The following CNTNAP3B variants were observed in gnomAD, a reference collection of about 807,000 sequenced individuals.
CNTNAP3B encodes contactin-associated protein-like 3B.
CNTNAP3B carries 25 observed loss-of-function variants against 108.9 expected under a neutral mutation model. The observed-to-expected ratio is 0.23, with a 90% CI of 0.17 to 0.32. CNTNAP3B has a LOEUF of 0.32. Ranked by LOEUF, CNTNAP3B falls within the 10% of genes least tolerant of loss-of-function variation. CNTNAP3B has a pLI of 1.00. For missense variants in CNTNAP3B, 252 were observed against 1,210.4 expected, an observed-to-expected ratio of 0.21 and a Z score of 11.75; for synonymous variants, 103 against 473.4, an observed-to-expected ratio of 0.22 and a Z score of 10.16.
intron 14 of CNTNAP3B, among the ~76,000 whole-genome samples, chr9:41,931,700 C>A (rs1336883723): frequency 2.0e-5 from 3 of 150,420 alleles, no homozygotes; most frequent in African/African-American, 7.4e-5. Flanking sequence ...TGATGGTAGA[C>A]AAGCTAGAAA....
chr9:42,094,526 G>A (rs1827862057), intron 2 of CNTNAP3B, among the ~76,000 whole-genome samples: 1 of 130,722 alleles, frequency 7.6e-6, no homozygotes, highest in Non-Finnish European at 1.6e-5. Context: ...GTTATGACAT[G>A]TGACTGTGGT....
chr9:41,928,520 C>T (rs917732342), intron 15 of CNTNAP3B, among the ~76,000 whole-genome samples: 1 of 152,170 alleles, frequency 6.6e-6, no homozygotes, highest in African/African-American at 2.4e-5. Flanking sequence ...GCTACAGAAA[C>T]TGCTTGGTAT....
At chr9:42,024,732 T>C (rs1358534042) in intron 3 of CNTNAP3B, among the ~76,000 whole-genome samples, 1 of 127,604 alleles carries the variant, frequency 7.8e-6, no homozygotes, top group Non-Finnish European at 1.7e-5. Flanking sequence ...AACAGACATA[T>C]AAAGCTGTCT....
At chr9:41,959,525 G>C (rs1311240906) in intron 12 of CNTNAP3B, among the ~76,000 whole-genome samples, 4 of 152,300 alleles carry the variant, frequency 2.6e-5, no homozygotes, top group African/African-American at 7.2e-5. Flanking sequence ...TCCTGGTTGT[G>C]ACTTTGGTTG....
At chr9:42,064,463 T>C (rs1282821467) in intron 3 of CNTNAP3B, among the ~76,000 whole-genome samples, 1 of 91,786 alleles carries the variant, frequency 1.1e-5, no homozygotes, top group Non-Finnish European at 2.2e-5. Context: ...TCTAGTTTTT[T>C]CCAACATTTA....
rs1490745282 is a variant in CNTNAP3B, at chr9:42,123,430, G to A, written c.85+5580C>T. On this transcript the variant is annotated intron_variant, in intron 1 of 23. Coordinates refer to ENST00000377561, the MANE Select transcript of CNTNAP3B (RefSeq NM_001201380.3). ...TCTGATTGAACAGATATCTAAAACT[G>A]ATAGGTAATATTTTAGATCAAATCA... Among the ~76,000 whole-genome samples, 11 of 127,632 alleles carry A rather than the reference G, an allele frequency of 8.6e-5. 1 individual carries two copies. The highest frequency in any genetic ancestry group is 2.9e-4 in the African/African-American group (9 of 31,450). 83.7% of individuals were successfully genotyped at this position (127,632 alleles called of 152,430 possible).
In CNTNAP3B at chr9:42,076,866, T is replaced by C. The variant is rs1827503708; in HGVS notation, c.390+3A>G. 1.3e-6 allele frequency: 2 copies of C among 1,541,082 alleles called. No individual in the cohort carries two copies. Among genetic ancestry groups the C allele is most frequent in the African/African-American group, 1.6e-5 (1 of 63,718 alleles). On this transcript the variant is annotated splice_donor_region_variant and intron_variant, in intron 3 of 23. Transcript: ENST00000377561. ...GTAGCAATTATTGTTATTAGAAACATACCCAGATGCTTTCTTCTCGGCGAT... is the reference window on the plus strand; with the variant it reads ...GTAGCAATTATTGTTATTAGAAACACACCCAGATGCTTTCTTCTCGGCGAT...
intron 3 of CNTNAP3B, among the ~76,000 whole-genome samples, chr9:42,045,424 G>GA (rs1381401858): frequency 1.2e-5 from 1 of 80,600 alleles, no homozygotes; most frequent in African/African-American, 6.4e-5. Flanking sequence ...GCAAGGATGT[G>GA]AAAAAAAGGA....
At chr9:42,072,915 A>T (rs1482690874) in intron 3 of CNTNAP3B, among the ~76,000 whole-genome samples, 1 of 135,574 alleles carries the variant, frequency 7.4e-6, no homozygotes, top group East Asian at 2.2e-4. Context: ...CTAGGTGGTA[A>T]TCACATATGT....
chr9:41,931,075 G>C (rs929761233), intron 14 of CNTNAP3B, among the ~76,000 whole-genome samples: 1 of 152,272 alleles, frequency 6.6e-6, no homozygotes, highest in African/African-American at 2.4e-5. Flanking sequence ...TTTTTAAATT[G>C]CCCAGTTCTC....
At position 42,098,934 on chromosome 9, in the gene CNTNAP3B, GGCAAA is replaced by G. The variant is rs1827967761; in HGVS notation, c.196+5690_196+5694del. 4.5e-5 allele frequency among the ~76,000 whole-genome samples: 6 copies of G among 133,932 alleles called. 1 individual carries two copies. The highest frequency in any genetic ancestry group is 1.8e-4 in the African/African-American group (6 of 33,216). 87.9% of individuals were successfully genotyped at this position (133,932 alleles called of 152,430 possible). A position where few individuals can be genotyped will look rare whatever the true frequency, so the allele number is the denominator to read the frequency against. On this transcript the variant is annotated intron_variant, in intron 2 of 23. Coordinates refer to ENST00000377561, the MANE Select transcript of CNTNAP3B (RefSeq NM_001201380.3). ...AGCCACACAGGCAGCCTGATACCTG[GGCAAA>G]TGCTTACCTGCCCACATCCGAAGGG...
At chr9:41,932,676 C>T (rs1429388334) in intron 14 of CNTNAP3B, among the ~76,000 whole-genome samples, 2,263 of 150,670 alleles carry the variant, frequency 0.015, 3 homozygotes, top group Non-Finnish European at 0.024. Context: ...TGCGCCACTA[C>T]GCTCAGCTAA....
chr9:42,126,918 T>G (rs1828584104), intron 1 of CNTNAP3B, among the ~76,000 whole-genome samples: 1 of 138,422 alleles, frequency 7.2e-6, no homozygotes, highest in Non-Finnish European at 1.5e-5. Context: ...ATCAACAGGC[T>G]GCCTTCGTGG....
intron 1 of CNTNAP3B, among the ~76,000 whole-genome samples, chr9:42,118,703 G>C (rs1201092695): frequency 1.8e-5 from 2 of 113,298 alleles, no homozygotes. Context: ...AGGAAATAAA[G>C]GGCATTCAAT....
chr9:41,923,615 A>T (rs1823727059), intron 16 of CNTNAP3B, among the ~76,000 whole-genome samples: 1 of 152,294 alleles, frequency 6.6e-6, no homozygotes, highest in African/African-American at 2.4e-5. Context: ...TACAAAAATT[A>T]GCTGGGCATG....
chr9:41,941,434 C>G (rs1223084827), intron 13 of CNTNAP3B, among the ~76,000 whole-genome samples: 1 of 151,048 alleles, frequency 6.6e-6, no homozygotes, highest in South Asian at 2.1e-4. Context: ...AACAAAAATA[C>G]TAGAACAGGG....
intron 6 of CNTNAP3B, among the ~76,000 whole-genome samples, 155 bp downstream of exon 6, chr9:41,997,413 C>A (rs1468091068): frequency 6.6e-6 from 1 of 152,126 alleles, no homozygotes; most frequent in Non-Finnish European, 1.5e-5. Context: ...AATAAACTGA[C>A]CTATTAGAAG....
intron 3 of CNTNAP3B, among the ~76,000 whole-genome samples, chr9:42,060,121 T>G (rs1252535336): frequency 7.0e-6 from 1 of 142,468 alleles, no homozygotes; most frequent in Non-Finnish European, 1.5e-5. Flanking sequence ...GGAAGAGTTT[T>G]CAACTTTTCA....
intron 3 of CNTNAP3B, among the ~76,000 whole-genome samples, chr9:42,025,212 G>GC (rs1826397921): frequency 1.1e-5 from 1 of 91,412 alleles, no homozygotes. Flanking sequence ...CTTGGATTGG[G>GC]CCCCAAAAAT....
Sources: gnomAD v4.1 joint callset for allele counts (sites outside exome capture counted in the v4.1 genomes callset) on GRCh38, gnomAD v4.1.1 for gene constraint, MANE v1.5 for transcripts, NCBI Gene and HGNC (gene_info 2026-07-23, HGNC 2026-07-21) for gene names.